CLDN16: variants seen among roughly 807,000 people sequenced by gnomAD.
The protein encoded by CLDN16 is claudin-16.
A neutral mutation model predicts 24.6 loss-of-function variants in CLDN16; 13 were observed. The ratio of observed to expected loss-of-function variants is 0.53; its 90% confidence interval spans 0.34 to 0.84. CLDN16 has a LOEUF of 0.84. Among genes scored for constraint, CLDN16 ranks in the 40% least tolerant of loss-of-function variants. The pLI is 0.01. For missense variants in CLDN16, 298 were observed against 292.7 expected (o/e 1.02, Z -0.13); for synonymous variants, 116 against 106.7 (o/e 1.09, Z -0.54).
upstream of CLDN16, among the ~76,000 whole-genome samples, chr3:190,383,915 A>G (rs975850475): frequency 3.9e-5 from 6 of 152,198 alleles, no homozygotes. Flanking sequence ...ATTGAGTTCT[A>G]TGCACTTCAT....
the CLDN16 span, among the ~76,000 whole-genome samples, chr3:190,291,855 G>A: frequency 2.0e-5 from 3 of 152,158 alleles, no homozygotes; most frequent in East Asian, 3.9e-4. Context: ...ATCCAATAGG[G>A]CAGTTATTAA....
chr3:190,363,744 A>G (rs1717959122), intron 1 of CLDN16, among the ~76,000 whole-genome samples: 1 of 151,328 alleles, frequency 6.6e-6, no homozygotes, highest in African/African-American at 2.4e-5. Flanking sequence ...TCTTTTACAC[A>G]GTGGGTTTTC....
At chr3:190,331,212 T>C (rs1717173482) in intron 1 of CLDN16, among the ~76,000 whole-genome samples, 1 of 152,196 alleles carries the variant, frequency 6.6e-6, no homozygotes, top group Admixed American at 6.5e-5. Context: ...GGAATTTGAA[T>C]GCAAACAGTG....
At chr3:190,385,023 G>A (rs1054368779), upstream of CLDN16, among the ~76,000 whole-genome samples, 2 of 152,118 alleles carry the variant, frequency 1.3e-5, no homozygotes, top group Non-Finnish European at 1.5e-5. Context: ...CCTGAATGGA[G>A]TTCTTTACTT....
At chr3:190,384,297 T>C (rs1177564456), upstream of CLDN16, among the ~76,000 whole-genome samples, 1 of 152,162 alleles carries the variant, frequency 6.6e-6, no homozygotes. Context: ...AGGGAACATT[T>C]TGTGACATTA....
the CLDN16 span, among the ~76,000 whole-genome samples, chr3:190,314,446 G>C: frequency 6.6e-6 from 1 of 152,054 alleles, no homozygotes; most frequent in African/African-American, 2.4e-5. Context: ...CCAGGCTGGA[G>C]TGCAGTGGTG....
intron 1 of CLDN16, among the ~76,000 whole-genome samples, chr3:190,394,312 G>A (rs1055708682): frequency 1.3e-5 from 2 of 152,100 alleles, no homozygotes; most frequent in African/African-American, 4.8e-5. Context: ...TTCATTTTCA[G>A]TTCATCTTTG....
chr3:190,380,289 G>T (rs1372392040), intron 3 of CLDN16, among the ~76,000 whole-genome samples: 1 of 125,988 alleles, frequency 7.9e-6, no homozygotes, highest in Non-Finnish European at 1.6e-5. Context: ...TTTGGTTATA[G>T]ACTAATAAAC....
chr3:190,302,109 C>T, the CLDN16 span, among the ~76,000 whole-genome samples: 2 of 152,108 alleles, frequency 1.3e-5, no homozygotes, highest in Non-Finnish European at 2.9e-5. Flanking sequence ...GTGATTCTAC[C>T]TTGGGGAACT....
chr3:190,381,455 T>A (rs1413593015), intron 3 of CLDN16, among the ~76,000 whole-genome samples: 1 of 152,104 alleles, frequency 6.6e-6, no homozygotes, highest in Admixed American at 6.6e-5. Context: ...CACCTGCCAC[T>A]CCAGCTTCAT....
intron 1 of CLDN16, among the ~76,000 whole-genome samples, chr3:190,363,597 T>TATATATATATATATATATATA: frequency 7.4e-6 from 1 of 135,910 alleles, no homozygotes; most frequent in South Asian, 2.3e-4. Context: ...TATATATATA[T>TATATATATATATATATATATA]TTTCTTTCTC....
At chr3:190,308,297 T>C in the CLDN16 span, 1 of 1,613,856 alleles carries the variant, frequency 6.2e-7, no homozygotes, top group Non-Finnish European at 8.5e-7. Context: ...TCTTTCCCGC[T>C]GGAAGGTGCA....
chr3:190,320,394 ATATT>A (rs1221970007), upstream of CLDN16, among the ~76,000 whole-genome samples: 1 of 152,204 alleles, frequency 6.6e-6, no homozygotes, highest in Non-Finnish European at 1.5e-5. Context: ...TTCCTTAAAT[ATATT>A]TATCTTTCCA....
the CLDN16 span, among the ~76,000 whole-genome samples, chr3:190,291,124 G>A: frequency 1.3e-5 from 2 of 152,112 alleles, no homozygotes; most frequent in African/African-American, 4.8e-5. Context: ...TAGGCAGAGG[G>A]TACAGCAAAT....
intron 1 of CLDN16, among the ~76,000 whole-genome samples, chr3:190,327,098 G>T (rs1482991540): frequency 6.6e-6 from 1 of 152,098 alleles, no homozygotes; most frequent in Admixed American, 6.6e-5. Flanking sequence ...TTTATTATAA[G>T]AAATTGGCTC....
intron 1 of CLDN16, among the ~76,000 whole-genome samples, chr3:190,342,788 C>A (rs74715324): frequency 0.039 from 5,963 of 152,138 alleles, 392 homozygotes; most frequent in African/African-American, 0.13. Flanking sequence ...TTGGACCCTT[C>A]CAGCACACAC....
At chr3:190,321,459 TTAGA>T (rs1226545900), upstream of CLDN16, among the ~76,000 whole-genome samples, 1 of 152,208 alleles carries the variant, frequency 6.6e-6, no homozygotes, top group Non-Finnish European at 1.5e-5. Context: ...CAGAAGACAC[TTAGA>T]TAGGACATTT....
the CLDN16 span, chr3:190,313,132 G>A: frequency 2.4e-5 from 33 of 1,403,818 alleles, no homozygotes; most frequent in African/African-American, 4.4e-4. Flanking sequence ...GTATGGAAGA[G>A]AGAAAACTGG....
chr3:190,348,129 C>A (rs1159349643), intron 1 of CLDN16, among the ~76,000 whole-genome samples: 1 of 150,352 alleles, frequency 6.7e-6, no homozygotes, highest in Non-Finnish European at 1.5e-5. Context: ...GTGGCACTTG[C>A]CTGTAATCCC....
Sources: gnomAD v4.1 joint callset for allele counts (sites outside exome capture counted in the v4.1 genomes callset) on GRCh38, gnomAD v4.1.1 for gene constraint, MANE v1.5 for transcripts, NCBI Gene and HGNC (gene_info 2026-07-23, HGNC 2026-07-21) for gene names.